Variants in PIEZO2 observed in about 807,000 individuals in gnomAD.
PIEZO2 encodes the protein piezo-type mechanosensitive ion channel component 2.
In PIEZO2, 172 loss-of-function variants were observed where a neutral mutation model predicts 337.3. The ratio of observed to expected loss-of-function variants is 0.51; its 90% CI spans 0.45 to 0.58. The LOEUF is 0.58. Among genes scored for constraint, PIEZO2 ranks in the 20% least tolerant of loss-of-function variants. The pLI is 0.00. For missense variants in PIEZO2, 3,028 were observed against 3,391.3 expected (o/e 0.89, Z 2.66); for synonymous variants, 1,251 against 1,228.5 (o/e 1.02, Z -0.38).
chr18:10,762,800 C>T, intron 22 of PIEZO2, 122 bp downstream of exon 22: 1 of 1,340,872 alleles, frequency 7.5e-7, no homozygotes, highest in Admixed American at 2.4e-5. Flanking sequence ...GCACGACCAG[C>T]CAGGGAGAGG....
At position 10,931,723 on chromosome 18, in the gene PIEZO2, A is replaced by C. The variant is rs1049755908; in HGVS notation, c.287-20495T>G. On this transcript the variant is annotated intron_variant, in intron 3 of 55. Coordinates refer to ENST00000674853, the MANE Select transcript of PIEZO2 (RefSeq NM_001378183.1). ...GTGTGTGTGTGTGTGTGAGAGAGAG[A>C]GAGAGAGAGAGAGAGAGAGGGAAAG... is the stretch of plus-strand genomic sequence containing the variant. 5.4e-5 allele frequency among the ~76,000 whole-genome samples: 8 copies of C among 148,700 alleles called. No homozygotes were observed. The East Asian group carries it at 5.8e-4, about 11-fold the overall frequency.
Position 10,741,101 on chromosome 18 carries a change from T to A in PIEZO2, c.4638A>T (p.Arg1546Ser). Residue 1546 changes from arginine to serine, a missense_variant and splice_region_variant, in exon 33 of 56, where the codon AGA becomes AGT. Physicochemically the swap from Arg to Ser is moderately radical, Grantham distance 110. This residue lies in a region of PIEZO2 where 1,925 missense variants were observed against 2,051.9 expected (regional missense o/e 0.94). Coordinates refer to ENST00000674853, the MANE Select transcript of PIEZO2 (RefSeq NM_001378183.1). ...MQKLSEEDDEREADKQKAKGK... is the reference protein window; with the variant it reads ...MQKLSEEDDESEADKQKAKGK... ...CCTTGGCTTTCTGTTTGTCTGCTTC[T>A]CCTAAAATAAAATACGTCCACATAT... is the stretch of plus-strand genomic sequence containing the variant. 1 of 1,534,276 alleles carries A rather than the reference T, an allele frequency of 6.5e-7. No homozygotes were observed. The highest frequency in any genetic ancestry group is 2.4e-5 in the East Asian group (1 of 40,878).
intron 26 of PIEZO2, 143 bp from the exon 27 acceptor site, chr18:10,758,277 G>A: frequency 1.0e-6 from 1 of 986,282 alleles, no homozygotes; most frequent in Non-Finnish European, 1.5e-6. Flanking sequence ...AATTCATCCT[G>A]GAGTCCAATG....
At chr18:10,947,903 G>C (rs1447403342) in intron 3 of PIEZO2, among the ~76,000 whole-genome samples, 4 of 151,818 alleles carry the variant, frequency 2.6e-5, no homozygotes, top group Admixed American at 2.0e-4. Context: ...GGCAGATTGT[G>C]ATAAATTAAA....
intron 2 of PIEZO2, among the ~76,000 whole-genome samples, chr18:10,989,149 G>A (rs1030757399): frequency 3.3e-5 from 5 of 152,056 alleles, no homozygotes; most frequent in South Asian, 2.1e-4. Flanking sequence ...GAGGGTGGCA[G>A]ATATGTTTAT....
intron 3 of PIEZO2, among the ~76,000 whole-genome samples, chr18:10,972,223 G>A (rs264239): frequency 0.5 from 74,692 of 149,944 alleles, 18,749 homozygotes; most frequent in Middle Eastern, 0.53. Flanking sequence ...CAGAGTGTTA[G>A]TTTAGTTTAC....
At chr18:10,926,074 T>G (rs960830107) in intron 3 of PIEZO2, among the ~76,000 whole-genome samples, 1 of 152,186 alleles carries the variant, frequency 6.6e-6, no homozygotes, top group Non-Finnish European at 1.5e-5. Context: ...CTGGTTCAGT[T>G]TGCATTCCAG....
chr18:11,053,822 C>G (rs1198532947), intron 2 of PIEZO2, among the ~76,000 whole-genome samples: 2 of 151,910 alleles, frequency 1.3e-5, no homozygotes, highest in Non-Finnish European at 2.9e-5. Context: ...TCGAGACCAG[C>G]CTGGACAACG....
At chr18:10,900,152 TA>T (rs1437552336) in intron 4 of PIEZO2, among the ~76,000 whole-genome samples, 2 of 150,368 alleles carry the variant, frequency 1.3e-5, no homozygotes, top group Non-Finnish European at 2.9e-5. Context: ...CTCAACAGCC[TA>T]AAAATATAAA....
chr18:10,759,476 A>C lies in PIEZO2; in HGVS notation c.3757+6T>G. On this transcript the variant is annotated splice_donor_region_variant and intron_variant, in intron 26 of 55. Coordinates refer to ENST00000674853, the MANE Select transcript of PIEZO2 (RefSeq NM_001378183.1). This position sits in a 1 kb window ranked among gnomAD's most constrained non-coding sequence, Gnocchi z 5.5. ...CACTCTGTGGCCCTGCAGTGGAAAC[A>C]CTTACAGACGAGAAACACAGGGTTG... The C allele has an allele frequency of 6.5e-7, 1 of 1,534,626 alleles. No homozygotes were observed. The highest frequency in any genetic ancestry group is 8.7e-7 in the Non-Finnish European group (1 of 1,145,018).
rs745789328 is a variant in PIEZO2, at chr18:10,671,098, C to T, written c.*429G>A. ...AGTGTGTTGAAGGCTCATCTAGTCTCATCACAGCAGCTTCCCCAGTGGGGA... is the reference window on the plus strand; with the variant it reads ...AGTGTGTTGAAGGCTCATCTAGTCTTATCACAGCAGCTTCCCCAGTGGGGA... On this transcript the variant is annotated 3_prime_UTR_variant, in exon 56 of 56. Coordinates refer to ENST00000674853, the MANE Select transcript of PIEZO2 (RefSeq NM_001378183.1). 8 of 156,876 alleles carry T rather than the reference C, an allele frequency of 5.1e-5. No homozygotes were observed. Among genetic ancestry groups the T allele is most frequent in the Non-Finnish European group, 9.9e-5 (7 of 71,024 alleles). 9.7% of individuals were successfully genotyped at this position (156,876 alleles called of 1,614,324 possible).
chr18:10,839,245 G>A (rs1347682657), intron 7 of PIEZO2, among the ~76,000 whole-genome samples: 1 of 152,178 alleles, frequency 6.6e-6, no homozygotes, highest in African/African-American at 2.4e-5. Flanking sequence ...AAAATAATGT[G>A]ATATTTTTCA....
intron 7 of PIEZO2, among the ~76,000 whole-genome samples, chr18:10,826,473 TA>T (rs1300863982): frequency 2.0e-5 from 3 of 152,214 alleles, no homozygotes; most frequent in Non-Finnish European, 4.4e-5. Context: ...TCTATACATG[TA>T]TAGTGATTTC....
At chr18:10,689,590 A>T in intron 49 of PIEZO2, 65 bp downstream of exon 49, 1 of 1,605,728 alleles carries the variant, frequency 6.2e-7, no homozygotes. Flanking sequence ...GTTCACATTC[A>T]TCTTATAACC....
At chr18:10,999,188 A>AAC (rs1484488603) in intron 2 of PIEZO2, among the ~76,000 whole-genome samples, 2 of 150,324 alleles carry the variant, frequency 1.3e-5, no homozygotes, top group Non-Finnish European at 2.9e-5. Flanking sequence ...CAACAGCAAA[A>AAC]AAAAAAAAAA....
rs1193766614 is a variant in PIEZO2 at position 10,726,990 on chromosome 18, C to G, written c.5029+4417G>C. The G allele has an allele frequency of 5.5e-6, 6 of 1,082,546 alleles. No individual in the cohort carries two copies. In the East Asian group the frequency reaches 1.6e-4, roughly 28 times the overall value. 67.1% of individuals were successfully genotyped at this position (1,082,546 alleles called of 1,614,324 possible). ...GCCCTGGACAGAAGCTCCAGATAGG[C>G]CCCCAGAACATGAAGCTGTTTGCTC... On this transcript the variant is annotated intron_variant, in intron 36 of 55. Transcript: ENST00000674853. This position sits in a 1 kb window ranked among gnomAD's most constrained non-coding sequence, Gnocchi z 5.9.
intron 1 of PIEZO2, among the ~76,000 whole-genome samples, chr18:11,091,779 G>A (rs1460011443): frequency 6.6e-6 from 1 of 152,184 alleles, no homozygotes; most frequent in African/African-American, 2.4e-5. Context: ...TGGGATAAAG[G>A]TTTGTTCATT....
In PIEZO2 at chr18:11,028,688, TTA is replaced by T. The variant is rs2036625129; in HGVS notation, c.160+37437_160+37438del. Reference sequence around the variant, plus strand: ...TGCAGTATTAGGGATATATGTTTCCTTAGATAGATCCTCACATATTCTGGAAG... The same window carrying T: ...TGCAGTATTAGGGATATATGTTTCCTGATAGATCCTCACATATTCTGGAAG... On this transcript the variant is annotated intron_variant, in intron 2 of 55. Transcript: ENST00000674853. This position sits in a 1 kb window ranked among gnomAD's most constrained non-coding sequence, Gnocchi z 4.8. Among the ~76,000 whole-genome samples, 1 of 152,248 alleles carries T rather than the reference TTA, an allele frequency of 6.6e-6. No homozygotes were observed. Among genetic ancestry groups the T allele is most frequent in the Non-Finnish European group, 1.5e-5 (1 of 68,050 alleles).
chr18:11,084,758 CAGG>C (rs2038861349), intron 1 of PIEZO2, among the ~76,000 whole-genome samples: 1 of 152,200 alleles, frequency 6.6e-6, no homozygotes, highest in East Asian at 1.9e-4. Flanking sequence ...TTGTGAATTT[CAGG>C]AGATGAGGTT....
Sources: allele counts gnomAD v4.1 joint callset (sites outside exome capture counted in the v4.1 genomes callset), GRCh38; gene constraint gnomAD v4.1.1; regional missense constraint gnomAD v4.1.1; non-coding constraint Gnocchi (gnomAD v3.1); transcripts MANE v1.5; gene names NCBI Gene and HGNC (gene_info 2026-07-23, HGNC 2026-07-21).